DIS3L2: variants seen among roughly 807,000 people sequenced by gnomAD.
DIS3L2 encodes the protein DIS3 like 3'-5' exoribonuclease 2.
In DIS3L2, 34 loss-of-function variants were observed where a neutral mutation model predicts 97.5. That is an observed-to-expected ratio of 0.35 (90% CI 0.27 to 0.46). DIS3L2 has a LOEUF of 0.46. DIS3L2 is among the 20% of genes least tolerant of loss of function. The probability of loss-of-function intolerance (pLI) is 1.00; values close to 1 mark genes in which losing one functional copy is unlikely to be tolerated. For missense variants in DIS3L2, 1,038 were observed against 1,146.0 expected (o/e 0.91, Z 1.36); for synonymous variants, 435 against 445.2 (o/e 0.98, Z 0.29).
chr2:232,008,628 C>T (rs1354085061), intron 1 of DIS3L2, among the ~76,000 whole-genome samples: 3 of 152,106 alleles, frequency 2.0e-5, no homozygotes, highest in African/African-American at 7.2e-5. Flanking sequence ...GTCTGGCCTG[C>T]CTTGAGTTAG....
rs1694970624 is a variant in DIS3L2 at position 232,037,066 on chromosome 2, G to T, written c.366+6986G>T. The stretch of plus-strand genomic sequence containing the variant: ...TCCCTTAGCAGAGCTAGAGCGCTGT[G>T]CTGGGAGATCTGCTGCTCTCTTCAG... On this transcript the variant is annotated intron_variant, in intron 5 of 20. Coordinates refer to ENST00000325385, the MANE Select transcript of DIS3L2 (RefSeq NM_152383.5). This position sits in a 1 kb window ranked among gnomAD's most constrained non-coding sequence, Gnocchi z 4.6. Among the ~76,000 whole-genome samples, 1 of 152,350 alleles carries T rather than the reference G, an allele frequency of 6.6e-6. No individual in the cohort carries two copies. The highest frequency in any genetic ancestry group is 1.9e-4 in the East Asian group (1 of 5,182).
intron 5 of DIS3L2, among the ~76,000 whole-genome samples, chr2:232,077,362 ATGTATCTGACACAAGTTTCTGTGTGTGTG>A (rs1696225207): frequency 6.6e-6 from 1 of 150,540 alleles, no homozygotes; most frequent in Non-Finnish European, 1.5e-5. Context: ...TAACTTCAGG[ATGTATCTGACACAAGTTTCTGTGTGTGTG>A]TGTTTGGGAG....
rs893644633 is a variant in DIS3L2, at chr2:232,111,846, A to G, written c.602-18773A>G. ...TTATTCCTTACTGCTATTAGCAGCT[A>G]TCTTATGACTTGCTAAGTATTATAC... On this transcript the variant is annotated intron_variant, in intron 6 of 20. Coordinates refer to ENST00000325385, the MANE Select transcript of DIS3L2 (RefSeq NM_152383.5). 2.6e-5 allele frequency among the ~76,000 whole-genome samples: 4 copies of G among 152,178 alleles called. No individual in the cohort carries two copies. In the East Asian group the frequency reaches 7.7e-4, roughly 29 times the overall value.
intron 9 of DIS3L2, among the ~76,000 whole-genome samples, chr2:232,184,966 C>T (rs921772153): frequency 5.9e-5 from 9 of 152,158 alleles, no homozygotes; most frequent in African/African-American, 1.9e-4. Flanking sequence ...TGTCTTCTCA[C>T]TCTAGAAGAA....
At chr2:232,258,964 G>A (rs1207862683) in intron 12 of DIS3L2, among the ~76,000 whole-genome samples, 1 of 152,134 alleles carries the variant, frequency 6.6e-6, no homozygotes, top group Non-Finnish European at 1.5e-5. Context: ...CCCTGGCCTA[G>A]TCATTTTTTA....
chr2:232,092,789 G>T (rs972512830), intron 6 of DIS3L2, among the ~76,000 whole-genome samples: 1 of 151,940 alleles, frequency 6.6e-6, no homozygotes, highest in Non-Finnish European at 1.5e-5. Flanking sequence ...ATAGTTTTTT[G>T]GTGAAGTCTT....
At chr2:232,328,072 G>A (rs763661354) in intron 14 of DIS3L2, among the ~76,000 whole-genome samples, 1 of 152,224 alleles carries the variant, frequency 6.6e-6, no homozygotes, top group Non-Finnish European at 1.5e-5. Context: ...GCAGGAAGTG[G>A]TGGGCACAAG....
intron 6 of DIS3L2, 86 bp downstream of exon 6, chr2:232,087,807 C>A: frequency 9.2e-7 from 1 of 1,088,352 alleles, no homozygotes; most frequent in Non-Finnish European, 1.3e-6. Context: ...GTAAATAACA[C>A]AATGCCATTG....
At chr2:232,315,222 T>A (rs1160506119) in intron 14 of DIS3L2, among the ~76,000 whole-genome samples, 1 of 152,134 alleles carries the variant, frequency 6.6e-6, no homozygotes, top group Non-Finnish European at 1.5e-5. Flanking sequence ...CCCACCCCCA[T>A]ACCGGTGTGC....
intron 12 of DIS3L2, among the ~76,000 whole-genome samples, chr2:232,253,196 C>T (rs987020829): frequency 1.4e-4 from 22 of 152,190 alleles, no homozygotes; most frequent in African/African-American, 4.8e-4. Flanking sequence ...TTTTACTCCT[C>T]TGTCCAGAGC....
intron 14 of DIS3L2, among the ~76,000 whole-genome samples, chr2:232,326,476 CA>C (rs1236591075): frequency 6.6e-6 from 1 of 152,212 alleles, no homozygotes; most frequent in Non-Finnish European, 1.5e-5. Context: ...CCGCCAGAGC[CA>C]GGGGTCAGCC....
chr2:232,180,322 T>C (rs1253244189), intron 9 of DIS3L2, among the ~76,000 whole-genome samples: 3 of 21,846 alleles, frequency 1.4e-4, no homozygotes, highest in African/African-American at 3.3e-4. Context: ...AGATGTCTAT[T>C]AGGTCCACTT....
intron 9 of DIS3L2, among the ~76,000 whole-genome samples, chr2:232,202,444 G>T (rs1691919737): frequency 6.6e-6 from 1 of 152,186 alleles, no homozygotes; most frequent in Admixed American, 6.5e-5. Context: ...GAGGTTCATT[G>T]AACCGGTGAG....
intron 14 of DIS3L2, among the ~76,000 whole-genome samples, chr2:232,306,146 C>T (rs888255435): frequency 6.6e-6 from 1 of 152,248 alleles, no homozygotes; most frequent in Non-Finnish European, 1.5e-5. Context: ...AGGCCACATT[C>T]TGACTCCTCA....
chr2:232,116,854 C>T (rs144266726), intron 6 of DIS3L2, among the ~76,000 whole-genome samples: 1 of 139,006 alleles, frequency 7.2e-6, no homozygotes, highest in African/African-American at 2.7e-5. Flanking sequence ...ACAACAACAA[C>T]AAAAACCCCA....
At position 232,276,841 on chromosome 2, in the gene DIS3L2, G is replaced by A. The variant is rs1694154638; in HGVS notation, c.1659+13401G>A. Among the ~76,000 whole-genome samples, 2 of 152,184 alleles carry A rather than the reference G, an allele frequency of 1.3e-5. No homozygotes were observed. The highest frequency in any genetic ancestry group is 2.1e-4 in the South Asian group (1 of 4,838). On this transcript the variant is annotated intron_variant, in intron 13 of 20. Coordinates refer to ENST00000325385, the MANE Select transcript of DIS3L2 (RefSeq NM_152383.5). The surrounding 1 kb of genome is among the most constrained non-coding windows in gnomAD (Gnocchi z 4.4). ...GTTATAGGAATATTAGGTTAGATGA[G>A]ATGTACCCGTAAAACACTTGGAACA...
rs569535347 is a variant in DIS3L2 at position 232,085,755 on chromosome 2, A to ATG, written c.367-1729_367-1728dup. 6.4e-4 allele frequency among the ~76,000 whole-genome samples: 98 copies of ATG among 152,272 alleles called. 1 individual carries two copies. The East Asian group carries it at 0.011, about 18-fold the overall frequency. ...GTGTCCATAGACATCAGAGTGCTGTATGTGACAAACTCATAAAATGGATTA... is the reference window on the plus strand; with the variant it reads ...GTGTCCATAGACATCAGAGTGCTGTATGTGTGACAAACTCATAAAATGGATTA... On this transcript the variant is annotated intron_variant, in intron 5 of 20. Transcript: ENST00000325385.
intron 5 of DIS3L2, among the ~76,000 whole-genome samples, chr2:232,045,955 G>A (rs1395481481): frequency 2.0e-5 from 3 of 152,036 alleles, no homozygotes; most frequent in Non-Finnish European, 4.4e-5. Context: ...GATTACAGGC[G>A]TGAGCCACCG....
At chr2:232,164,031 T>A (rs537666376) in intron 9 of DIS3L2, among the ~76,000 whole-genome samples, 96 of 152,336 alleles carry the variant, frequency 6.3e-4, no homozygotes, top group African/African-American at 2.2e-3. Context: ...CAAGACCATA[T>A]GGCCTGCAAA....
Sources: gnomAD v4.1 joint callset for allele counts (sites outside exome capture counted in the v4.1 genomes callset) on GRCh38, gnomAD v4.1.1 for gene constraint, Gnocchi (gnomAD v3.1) non-coding constraint, MANE v1.5 for transcripts, NCBI Gene and HGNC (gene_info 2026-07-23, HGNC 2026-07-21) for gene names.